ARHGEF18: variants seen among roughly 807,000 people sequenced by gnomAD.
The protein encoded by ARHGEF18 is rho guanine nucleotide exchange factor 18.
In ARHGEF18, 93 loss-of-function variants were observed where a neutral mutation model predicts 155.7. That is an observed-to-expected ratio of 0.60 (90% CI 0.50 to 0.71). The LOEUF is 0.71. Ranked by LOEUF, ARHGEF18 falls within the 30% of genes least tolerant of loss-of-function variation. ARHGEF18 has a pLI of 0.00. For synonymous variants in ARHGEF18, 742 were observed against 753.1 expected, an observed-to-expected ratio of 0.99 and a Z score of 0.24; for missense variants, 1,593 against 1,816.1, an observed-to-expected ratio of 0.88 and a Z score of 2.23.
intron 10 of ARHGEF18, among the ~76,000 whole-genome samples, chr19:7,385,155 T>C (rs768026784): frequency 2.6e-5 from 4 of 152,120 alleles, no homozygotes; most frequent in African/African-American, 7.2e-5. Context: ...AGATAGAAGG[T>C]TGGAAGTTGG....
In ARHGEF18 at chr19:7,443,622, C is replaced by G. The variant is rs149673767; in HGVS notation, c.1361-582C>G. ...CCTTTGGGGTTCGAATTTCGACATA[C>G]GAATTTTGGGGGACGCAAACATCTT... On this transcript the variant is annotated intron_variant, in intron 13 of 28. Coordinates refer to ENST00000668164, the MANE Select transcript of ARHGEF18 (RefSeq NM_001367823.1). 9.9e-5 allele frequency among the ~76,000 whole-genome samples: 15 copies of G among 152,250 alleles called. No homozygotes were observed. The East Asian group carries it at 1.9e-3, about 20-fold the overall frequency.
chr19:7,391,829 A>G (rs191762343), intron 10 of ARHGEF18, among the ~76,000 whole-genome samples: 10 of 145,476 alleles, frequency 6.9e-5, no homozygotes, highest in African/African-American at 2.6e-4. Context: ...CACCCCTGCC[A>G]CCACCACCGA....
Position 7,463,124 on chromosome 19 carries a change from G to A in ARHGEF18, c.2636-694G>A, listed in dbSNP as rs564531984. 3.9e-5 allele frequency among the ~76,000 whole-genome samples: 6 copies of A among 152,048 alleles called. No homozygotes were observed. Among genetic ancestry groups the A allele is most frequent in the African/African-American group, 1.4e-4 (6 of 41,412 alleles). ...GCTGGGATTATAGGCGTGAGCCACC[G>A]CGCCCTGCCTCAATCTGCTCTTTCA... On this transcript the variant is annotated intron_variant, in intron 21 of 28. Transcript: ENST00000668164. This position sits in a 1 kb window ranked among gnomAD's most constrained non-coding sequence, Gnocchi z 5.2.
At chr19:7,375,571 G>C (rs1201811490) in intron 3 of ARHGEF18, 149 bp from the exon 4 acceptor site, 2 of 672,948 alleles carry the variant, frequency 3.0e-6, no homozygotes, top group Non-Finnish European at 2.1e-6. Flanking sequence ...CTCATATTGG[G>C]AGGTCTGGAC....
At chr19:7,364,036 T>A (rs567179195) in intron 2 of ARHGEF18, among the ~76,000 whole-genome samples, 3 of 46,200 alleles carry the variant, frequency 6.5e-5, no homozygotes, top group Non-Finnish European at 2.7e-4. Flanking sequence ...GGAAGGAGGA[T>A]GGATAAATGA....
In ARHGEF18 at chr19:7,440,885, A is replaced by G. The variant is rs538084666; in HGVS notation, c.1106+403A>G. Among the ~76,000 whole-genome samples, 1 of 152,238 alleles carries G rather than the reference A, an allele frequency of 6.6e-6. No homozygotes were observed. Among genetic ancestry groups the G allele is most frequent in the South Asian group, 2.1e-4 (1 of 4,828 alleles). On this transcript the variant is annotated intron_variant, in intron 11 of 28. Coordinates refer to ENST00000668164, the MANE Select transcript of ARHGEF18 (RefSeq NM_001367823.1). The surrounding 1 kb of genome is among the most constrained non-coding windows in gnomAD (Gnocchi z 5.4). ...ATAATGCCTGCAGCGGTGTCCGGGT[A>G]GAAAGTGATGCTAGAAGCTGATATG...
chr19:7,419,376 C>T (rs954329949), intron 10 of ARHGEF18, among the ~76,000 whole-genome samples: 2 of 150,564 alleles, frequency 1.3e-5, no homozygotes, highest in African/African-American at 4.9e-5. Context: ...CACTTGCCCC[C>T]TGCACCCAGA....
intron 10 of ARHGEF18, among the ~76,000 whole-genome samples, chr19:7,432,442 G>C (rs916317300): frequency 9.2e-5 from 14 of 152,172 alleles, no homozygotes; most frequent in African/African-American, 3.4e-4. Flanking sequence ...CCTTGAAACC[G>C]AGGTGCTTGT....
Position 7,469,190 on chromosome 19 carries a change from G to A in ARHGEF18, c.3787+59G>A, listed in dbSNP as rs1034020439. 1.6e-5 allele frequency: 23 copies of A among 1,472,908 alleles called. No homozygotes were observed. In the East Asian group the frequency reaches 3.0e-4, roughly 19 times the overall value. 91.2% of individuals were successfully genotyped at this position (1,472,908 alleles called of 1,614,324 possible). A position where few individuals can be genotyped will look rare whatever the true frequency, so the allele number is the denominator to read the frequency against. The stretch of plus-strand genomic sequence containing the variant: ...AAGGTGCAACTGGTCAGGCTCTAGC[G>A]GCTCGCTGGGAGCCAGGAAATTCGG... On this transcript the variant is annotated intron_variant, in intron 27 of 28. Transcript: ENST00000668164.
chr19:7,430,188 A>G (rs1026956939), intron 10 of ARHGEF18, among the ~76,000 whole-genome samples: 4 of 151,878 alleles, frequency 2.6e-5, no homozygotes, highest in African/African-American at 9.7e-5. Context: ...CTTTTGAGAT[A>G]CTTCCCTGTC....
chr19:7,453,650 T>C lies in ARHGEF18; in HGVS notation c.2039T>C (p.Met680Thr). 6.2e-7 allele frequency: 1 copy of C among 1,609,812 alleles called. No homozygotes were observed. Among genetic ancestry groups the C allele is most frequent in the Non-Finnish European group, 8.5e-7 (1 of 1,176,812 alleles). ...GGGCTCACCTTCCGCAAGGAAGACATGCTTCAGCGGCAGCTCCACCTGGAG... is the reference window on the plus strand; with the variant it reads ...GGGCTCACCTTCCGCAAGGAAGACACGCTTCAGCGGCAGCTCCACCTGGAG... ...KNGLTFRKED[M>T]LQRQLHLEGM... is the part of the protein sequence containing the mutation. Residue 680 changes from methionine to threonine, a missense_variant, in exon 17 of 29, where the codon ATG (methionine) becomes ACG (threonine). Coordinates refer to ENST00000668164, the MANE Select transcript of ARHGEF18 (RefSeq NM_001367823.1).
At chr19:7,421,970 G>A (rs116542691) in intron 10 of ARHGEF18, among the ~76,000 whole-genome samples, 1,689 of 151,892 alleles carry the variant, frequency 0.011, 40 homozygotes, top group African/African-American at 0.037. Context: ...AGACATCTTC[G>A]TCATCCTGGC....
rs1468246042 is a variant in ARHGEF18 at position 7,458,708 on chromosome 19, G to T, written c.2360+18G>T. ...GTGGAGAGGTGAGGAGGGCCTGGGG[G>T]TCTCCCCACCCACTGTGTTCCTTCC... is the stretch of plus-strand genomic sequence containing the variant. On this transcript the variant is annotated intron_variant, in intron 19 of 28. Coordinates refer to ENST00000668164, the MANE Select transcript of ARHGEF18 (RefSeq NM_001367823.1). 1.9e-6 allele frequency: 3 copies of T among 1,599,654 alleles called. No individual in the cohort carries two copies.
intron 10 of ARHGEF18, among the ~76,000 whole-genome samples, chr19:7,413,249 C>T (rs12981119): frequency 0.55 from 83,647 of 150,822 alleles, 23,599 homozygotes; most frequent in Middle Eastern, 0.75. Flanking sequence ...CTGGGCAACA[C>T]GGCAAGACCC....
chr19:7,467,508 C>A lies in ARHGEF18; in HGVS notation c.3304C>A (p.Leu1102Met). ...EGEARQLRER[L>M]EQERAELERQ... is the part of the protein sequence containing the mutation. ...CGAGGCGCGGCAGCTACGCGAGCGGCTGGAGCAGGAGCGGGCCGAGCTGGA... is the reference window on the plus strand; with the variant it reads ...CGAGGCGCGGCAGCTACGCGAGCGGATGGAGCAGGAGCGGGCCGAGCTGGA... The change falls in exon 26 of 29, where the codon CTG (leucine) becomes ATG (methionine). Residue 1102 changes from leucine (L) to methionine (M), a missense_variant. Transcript: ENST00000668164. 7.0e-7 allele frequency: 1 copy of A among 1,432,620 alleles called. No homozygotes were observed. Among genetic ancestry groups the A allele is most frequent in the Non-Finnish European group, 9.0e-7 (1 of 1,105,358 alleles). The allele number at this position is 1,432,620 out of a possible 1,614,324, so 88.7% of individuals were successfully genotyped here.
At chr19:7,431,233 G>A (rs937513695) in intron 10 of ARHGEF18, among the ~76,000 whole-genome samples, 20 of 152,028 alleles carry the variant, frequency 1.3e-4, no homozygotes, top group Admixed American at 9.8e-4. Context: ...AATATTAAGT[G>A]AGGCCGGGCA....
At position 7,470,040 on chromosome 19, in the gene ARHGEF18, AC is replaced by A; in HGVS notation, c.3913+16del. On this transcript the variant is annotated intron_variant, in intron 28 of 28. Coordinates refer to ENST00000668164, the MANE Select transcript of ARHGEF18 (RefSeq NM_001367823.1). This position sits in a 1 kb window ranked among gnomAD's most constrained non-coding sequence, Gnocchi z 5.9. Reference sequence around the variant, plus strand: ...CTGCGCCCCCACCAGGTGAGCCCCCACCCCCTGACATGAGCCCAGTCCCAGG... The same window carrying A: ...CTGCGCCCCCACCAGGTGAGCCCCCACCCCTGACATGAGCCCAGTCCCAGG... 1.9e-6 allele frequency: 3 copies of A among 1,608,838 alleles called. No individual in the cohort carries two copies. Among genetic ancestry groups the A allele is most frequent in the Non-Finnish European group, 2.5e-6 (3 of 1,178,494 alleles).
chr19:7,414,196 A>G lies in ARHGEF18; in HGVS notation c.968-26148A>G, dbSNP rs145137636. Among the ~76,000 whole-genome samples, 69 of 152,192 alleles carry G rather than the reference A, an allele frequency of 4.5e-4. 1 individual carries two copies. The East Asian group carries it at 0.011, about 25-fold the overall frequency. On this transcript the variant is annotated intron_variant, in intron 10 of 28. Coordinates refer to ENST00000668164, the MANE Select transcript of ARHGEF18 (RefSeq NM_001367823.1). ...GCACCCCTCTTCCCCCCTCACTCCC[A>G]TAGCAACCAAAAATGTCTCCAGACT...
chr19:7,361,223 C>T (rs1969532883), intron 1 of ARHGEF18, among the ~76,000 whole-genome samples: 1 of 152,138 alleles, frequency 6.6e-6, no homozygotes, highest in South Asian at 2.1e-4. Context: ...ATTGCCTGAG[C>T]TCAGGAGTTC....
Sources: gnomAD v4.1 joint callset for allele counts (sites outside exome capture counted in the v4.1 genomes callset) on GRCh38, gnomAD v4.1.1 for gene constraint, Gnocchi (gnomAD v3.1) non-coding constraint, MANE v1.5 for transcripts, NCBI Gene and HGNC (gene_info 2026-07-23, HGNC 2026-07-21) for gene names.